The following EPG5 variants were observed in gnomAD, a reference collection of about 807,000 sequenced individuals.
EPG5 encodes the protein ectopic P granules protein 5 homolog.
EPG5 carries 159 observed loss-of-function variants against 302.7 expected under a neutral mutation model. The ratio of observed to expected loss-of-function variants is 0.53; its 90% CI spans 0.46 to 0.60. EPG5 has a LOEUF of 0.60. Among genes scored for constraint, EPG5 ranks in the 20% least tolerant of loss-of-function variants. EPG5 has a pLI of 0.00. For synonymous variants in EPG5, 1,158 were observed against 1,136.8 expected (o/e 1.02, Z -0.37); for missense variants, 2,896 against 3,092.4 (o/e 0.94, Z 1.51).
chr18:45,955,233 C>A lies in EPG5; in HGVS notation c.169G>T (p.Gly57Ter). The A allele has an allele frequency of 6.2e-7, 1 of 1,614,136 alleles. No individual in the cohort carries two copies. The highest frequency in any genetic ancestry group is 8.5e-7 in the Non-Finnish European group (1 of 1,179,994). The change falls in exon 2 of 44, where the codon GGA (glycine) becomes TGA (stop). Residue 57 changes from glycine to a stop codon, truncating the protein, a stop_gained. Coordinates refer to ENST00000282041, the MANE Select transcript of EPG5 (RefSeq NM_020964.3). LOFTEE classifies it high-confidence loss of function. Reference sequence around the variant, plus strand: ...TCAGTTACCACCTTCAGATGGTCTCCTTTGAATTCACAGGCTAGAGAAGGG... The same window carrying A: ...TCAGTTACCACCTTCAGATGGTCTCATTTGAATTCACAGGCTAGAGAAGGG... The part of the protein sequence containing the change: ...EIPSLACEFK[G>*]DHLKVVTDSQ...
the EPG5 span, among the ~76,000 whole-genome samples, chr18:45,809,848 C>G: frequency 6.6e-6 from 1 of 152,002 alleles, no homozygotes; most frequent in Non-Finnish European, 1.5e-5. Flanking sequence ...CCAAACCCAA[C>G]AGAAGAAAAG....
chr18:45,825,764 G>A, the EPG5 span: 2,398 of 1,614,244 alleles, frequency 1.5e-3, 37 homozygotes, highest in Admixed American at 0.03. Flanking sequence ...CCTGCTTGGC[G>A]TGGGTTCTCC....
the EPG5 span, among the ~76,000 whole-genome samples, chr18:45,808,905 T>C: frequency 6.6e-6 from 1 of 152,098 alleles, no homozygotes; most frequent in East Asian, 1.9e-4. Flanking sequence ...TAACATTGAG[T>C]GTAAATGGCC....
chr18:45,855,401 T>C (rs1267681852), intron 43 of EPG5, 172 bp downstream of exon 43: 3 of 546,638 alleles, frequency 5.5e-6, no homozygotes, highest in Admixed American at 3.2e-5. Flanking sequence ...CTACAAAAAT[T>C]TGGAGGTTGG....
rs140983631 is a variant in EPG5, at chr18:45,919,042, C to T, written c.3099-1223G>A. Among the ~76,000 whole-genome samples the T allele has an allele frequency of 7.3e-4, 111 of 152,136 alleles. 1 individual carries two copies. In the East Asian group the frequency reaches 0.02, roughly 28 times the overall value. On this transcript the variant is annotated intron_variant, in intron 16 of 43. Transcript: ENST00000282041. The stretch of plus-strand genomic sequence containing the variant: ...GAAAAACTAAGGATATAAAATTATA[C>T]ATACATCTTTAAAAAGATCAAAGGA...
intron 16 of EPG5, 60 bp downstream of exon 16, chr18:45,922,281 T>G (rs934353121): frequency 5.7e-6 from 9 of 1,571,562 alleles, no homozygotes; most frequent in African/African-American, 1.4e-5. Flanking sequence ...ATATGAAACA[T>G]AAAATTCTAG....
At chr18:45,837,055 A>G in the EPG5 span, 1 of 1,550,196 alleles carries the variant, frequency 6.5e-7, no homozygotes, top group Middle Eastern at 1.7e-4. Context: ...TAAAATAGAT[A>G]CTACGGAGAA....
At chr18:45,955,935 A>C (rs2051018688) in intron 1 of EPG5, among the ~76,000 whole-genome samples, 1 of 152,218 alleles carries the variant, frequency 6.6e-6, no homozygotes, top group African/African-American at 2.4e-5. Context: ...GAAAAACAGA[A>C]CACTTACCAC....
At chr18:45,888,941 T>C (rs896422565) in intron 28 of EPG5, among the ~76,000 whole-genome samples, 5 of 152,222 alleles carry the variant, frequency 3.3e-5, no homozygotes, top group Non-Finnish European at 7.3e-5. Flanking sequence ...TCCAAAACAC[T>C]GACTAAAGTT....
downstream of EPG5, chr18:45,843,227 G>C (rs962925998): frequency 1.3e-5 from 2 of 152,268 alleles, no homozygotes; most frequent in African/African-American, 4.8e-5. Flanking sequence ...AAGTCCAAAC[G>C]CACTGGCAAC....
At position 45,887,871 on chromosome 18, in the gene EPG5, A is replaced by C. The variant is rs759914920; in HGVS notation, c.4989T>G (p.Pro1663=). The C allele has an allele frequency of 2.0e-5, 32 of 1,593,804 alleles. No homozygotes were observed. In the East Asian group the frequency reaches 6.5e-4, roughly 33 times the overall value. Residue 1663 remains proline, a synonymous_variant, in exon 29 of 44, where the codon CCT becomes CCG. Coordinates refer to ENST00000282041, the MANE Select transcript of EPG5 (RefSeq NM_020964.3). ...GGCTAATGCCAACTTTCTGAATCCC[A>C]GGTGTAGGCTGCAACTTGTAGGCAT... ...LVNAYKLQPT[P]GIQKVGISLF...
In EPG5 at chr18:45,901,790, C is replaced by CACAT. The variant is rs1555671710; in HGVS notation, c.4475-624_4475-623insATGT. ...CCACACACACACACACACACACACACACACACAAAGGTGAATCTCTACCAT... is the reference window on the plus strand; with the variant it reads ...CCACACACACACACACACACACACACACATACACACAAAGGTGAATCTCTACCAT... On this transcript the variant is annotated intron_variant, in intron 25 of 43. Transcript: ENST00000282041. Among the ~76,000 whole-genome samples the CACAT allele has an allele frequency of 2.4e-4, 36 of 151,566 alleles. 10 individuals carry two copies. Among genetic ancestry groups the CACAT allele is most frequent in the East Asian group, 1.6e-3 (8 of 5,158 alleles).
rs922309412 is a variant in EPG5, at chr18:45,848,333, G to C, written c.*4134C>G. The C allele has an allele frequency of 5.3e-5, 8 of 152,222 alleles. No individual in the cohort carries two copies. The highest frequency in any genetic ancestry group is 1.7e-4 in the African/African-American group (7 of 41,454). 9.4% of individuals were successfully genotyped at this position (152,222 alleles called of 1,614,324 possible). A position where few individuals can be genotyped will look rare whatever the true frequency, so the allele number is the denominator to read the frequency against. ...AAATGAAGAGCAGGCAGTAGTAGAG[G>C]ATTAAGGGCAAAGTGCCTTGTTGTT... On this transcript the variant is annotated 3_prime_UTR_variant, in exon 44 of 44. Transcript: ENST00000282041.
chr18:45,939,334 A>G (rs144750511), intron 10 of EPG5, among the ~76,000 whole-genome samples: 244 of 152,300 alleles, frequency 1.6e-3, no homozygotes, highest in African/African-American at 5.7e-3. Context: ...AGGCTGCCCC[A>G]AAAGTTCAGG....
chr18:45,920,869 C>G (rs545382626), intron 16 of EPG5, among the ~76,000 whole-genome samples: 1 of 152,312 alleles, frequency 6.6e-6, no homozygotes, highest in African/African-American at 2.4e-5. Flanking sequence ...AAAGTCAGCT[C>G]TTCCATGAAG....
intron 24 of EPG5, 87 bp from the exon 25 acceptor site, chr18:45,904,204 G>A (rs2049694397): frequency 8.2e-6 from 12 of 1,466,994 alleles, no homozygotes; most frequent in Admixed American, 4.6e-5. Context: ...AAGTGAACCA[G>A]TAAGTTTCAA....
intron 25 of EPG5, among the ~76,000 whole-genome samples, chr18:45,903,560 T>A (rs577284224): frequency 1.8e-3 from 267 of 152,328 alleles, no homozygotes; most frequent in African/African-American, 6.0e-3. Context: ...AGTCAGTAAT[T>A]AAAATTAATA....
At position 45,908,585 on chromosome 18, in the gene EPG5, G is replaced by A. The variant is rs1033611379; in HGVS notation, c.4206-504C>T. ...GAACCATCTCCCACCTCAGAGAATC[G>A]CAAATAAATATCACAGCATGTGTGT... On this transcript the variant is annotated intron_variant, in intron 23 of 43. Coordinates refer to ENST00000282041, the MANE Select transcript of EPG5 (RefSeq NM_020964.3). Among the ~76,000 whole-genome samples the A allele has an allele frequency of 3.3e-5, 5 of 152,192 alleles. No homozygotes were observed. In the East Asian group the frequency reaches 9.6e-4, roughly 29 times the overall value.
In EPG5 at chr18:45,879,048, C is replaced by T; in HGVS notation, c.5834G>A (p.Cys1945Tyr). The T allele has an allele frequency of 1.9e-6, 3 of 1,614,114 alleles. No individual in the cohort carries two copies. The highest frequency in any genetic ancestry group is 2.5e-6 in the Non-Finnish European group (3 of 1,180,022). ...VKRLIDLEMT[C>Y]LAQDPTASRK... is the part of the protein sequence containing the mutation. ...GCTGGCAGTTGGGTCTTGGGCCAAA[C>T]AGGTCATTTCTAAGTCAATCAGCCT... Residue 1945 changes from cysteine to tyrosine, a missense_variant, in exon 33 of 44, where the codon TGT becomes TAT. Physicochemically the swap from Cys to Tyr is radical, Grantham distance 194. Around this residue, in one of 5 missense-constraint regions of EPG5, gnomAD observed 790 missense variants for 798.0 expected, o/e 0.99. Transcript: ENST00000282041.
Sources: allele counts gnomAD v4.1 joint callset (sites outside exome capture counted in the v4.1 genomes callset), GRCh38; gene constraint gnomAD v4.1.1; regional missense constraint gnomAD v4.1.1; transcripts MANE v1.5; gene names NCBI Gene and HGNC (gene_info 2026-07-23, HGNC 2026-07-21).